The following CDYL2 variants were observed in gnomAD, a reference collection of about 807,000 sequenced individuals.
CDYL2 encodes the protein chromodomain Y-like protein 2.
CDYL2 carries 23 observed loss-of-function variants against 49.4 expected under a neutral mutation model. That is an observed-to-expected ratio of 0.47 (90% CI 0.34 to 0.66). The LOEUF (loss-of-function observed/expected upper bound fraction) is 0.66, where lower values mean the gene tolerates loss of function less well. CDYL2 is among the 30% of genes least tolerant of loss of function. The pLI, the probability that CDYL2 is intolerant of heterozygous loss-of-function variation, is 0.01. For missense variants in CDYL2, 678 were observed against 656.4 expected, an observed-to-expected ratio of 1.03 and a Z score of -0.36; for synonymous variants, 360 against 268.8, an observed-to-expected ratio of 1.34 and a Z score of -3.32.
intron 1 of CDYL2, among the ~76,000 whole-genome samples, chr16:80,743,583 AG>A (rs1346995063): frequency 6.6e-6 from 1 of 152,208 alleles, no homozygotes; most frequent in Non-Finnish European, 1.5e-5. Flanking sequence ...GATTGGCATT[AG>A]CCCCCAGAAA....
At chr16:80,767,541 A>T (rs1906767668) in intron 1 of CDYL2, among the ~76,000 whole-genome samples, 1 of 152,246 alleles carries the variant, frequency 6.6e-6, no homozygotes, top group Non-Finnish European at 1.5e-5. Context: ...TCAGGTGGTC[A>T]TAAAATATGA....
intron 1 of CDYL2, among the ~76,000 whole-genome samples, chr16:80,787,612 T>C (rs950359840): frequency 2.0e-5 from 3 of 151,146 alleles, no homozygotes; most frequent in African/African-American, 7.3e-5. Context: ...CTCTCTCTCC[T>C]CTCTCTCCTC....
chr16:80,749,675 A>T (rs1428435020), intron 1 of CDYL2, among the ~76,000 whole-genome samples: 1 of 152,192 alleles, frequency 6.6e-6, no homozygotes, highest in African/African-American at 2.4e-5. Flanking sequence ...CCAAAACTTA[A>T]GAATTCAGCT....
Position 80,720,418 on chromosome 16 carries a change from C to A in CDYL2, c.25-35289G>T, listed in dbSNP as rs371195087. Among the ~76,000 whole-genome samples, 21 of 152,308 alleles carry A rather than the reference C, an allele frequency of 1.4e-4. No individual in the cohort carries two copies. In the East Asian group the frequency reaches 2.5e-3, roughly 18 times the overall value. On this transcript the variant is annotated intron_variant, in intron 1 of 6. Transcript: ENST00000570137. ...TGTAGTATCCAATGACCAGGTAGAG[C>A]AAAAACAACCTATTCTCACAAATGC...
At position 80,716,468 on chromosome 16, in the gene CDYL2, G is replaced by A. The variant is rs371582751; in HGVS notation, c.25-31339C>T. ...TGGATGCATGGATGGATGAATGGACGGATAGCTGGATGAACAATGGGTGGG... is the reference window on the plus strand; with the variant it reads ...TGGATGCATGGATGGATGAATGGACAGATAGCTGGATGAACAATGGGTGGG... On this transcript the variant is annotated intron_variant, in intron 1 of 6. Coordinates refer to ENST00000570137, the MANE Select transcript of CDYL2 (RefSeq NM_152342.4). 6.6e-5 allele frequency among the ~76,000 whole-genome samples: 10 copies of A among 152,000 alleles called. 1 individual carries two copies. Among genetic ancestry groups the A allele is most frequent in the East Asian group, 1.9e-4 (1 of 5,136 alleles).
intron 3 of CDYL2, among the ~76,000 whole-genome samples, chr16:80,626,275 TAAAAAAA>T (rs11358031): frequency 3.0e-4 from 28 of 92,298 alleles, no homozygotes; most frequent in African/African-American, 5.6e-4. Context: ...AAATCCCATC[TAAAAAAA>T]AAAAAAAAAA....
chr16:80,665,713 C>G (rs1468590848), intron 2 of CDYL2, among the ~76,000 whole-genome samples: 3 of 151,864 alleles, frequency 2.0e-5, no homozygotes, highest in Non-Finnish European at 4.4e-5. Context: ...TCCAGAGGTC[C>G]ACAGTGGAAC....
intron 1 of CDYL2, among the ~76,000 whole-genome samples, chr16:80,719,519 T>C (rs1597097407): frequency 6.6e-6 from 1 of 152,326 alleles, no homozygotes; most frequent in East Asian, 1.9e-4. Context: ...TCGTCATTTG[T>C]GTGCACTAAA....
At chr16:80,617,885 T>G (rs548452846) in intron 4 of CDYL2, among the ~76,000 whole-genome samples, 1 of 152,310 alleles carries the variant, frequency 6.6e-6, no homozygotes, top group African/African-American at 2.4e-5. Flanking sequence ...TTCTCAACCC[T>G]GGCTGCACCT....
intron 1 of CDYL2, among the ~76,000 whole-genome samples, chr16:80,695,763 T>G (rs1910592252): frequency 6.6e-6 from 1 of 152,164 alleles, no homozygotes; most frequent in Non-Finnish European, 1.5e-5. Context: ...AAGCAAATAT[T>G]ATTAGATCTA....
At chr16:80,730,662 T>A (rs972046251) in intron 1 of CDYL2, among the ~76,000 whole-genome samples, 1 of 152,172 alleles carries the variant, frequency 6.6e-6, no homozygotes, top group Non-Finnish European at 1.5e-5. Flanking sequence ...AAAAGAATTT[T>A]AGACCAATAC....
At chr16:80,768,473 GA>G in intron 1 of CDYL2, among the ~76,000 whole-genome samples, 1 of 152,332 alleles carries the variant, frequency 6.6e-6, no homozygotes, top group Admixed American at 6.5e-5. Flanking sequence ...TAGAGGCTGG[GA>G]AGTCCAAGAT....
intron 1 of CDYL2, among the ~76,000 whole-genome samples, chr16:80,692,895 T>G (rs185162598): frequency 6.6e-6 from 1 of 152,202 alleles, no homozygotes; most frequent in Non-Finnish European, 1.5e-5. Flanking sequence ...CAGAGCATTT[T>G]TTCTCATAAC....
chr16:80,689,334 T>C (rs1910321540), intron 1 of CDYL2, among the ~76,000 whole-genome samples: 1 of 152,226 alleles, frequency 6.6e-6, no homozygotes, highest in African/African-American at 2.4e-5. Flanking sequence ...TTAATACTGA[T>C]GACAATCATC....
chr16:80,761,369 G>A lies in CDYL2; in HGVS notation c.24+42781C>T, dbSNP rs532164112. Among the ~76,000 whole-genome samples, 4 of 152,262 alleles carry A rather than the reference G, an allele frequency of 2.6e-5. No homozygotes were observed. In the East Asian group the frequency reaches 5.8e-4, roughly 22 times the overall value. Reference sequence around the variant, plus strand: ...CCTCATCTGTGAATTTGGGTTCATCGAAGTATGCGTTTTCATCAAACGGTT... The same window carrying A: ...CCTCATCTGTGAATTTGGGTTCATCAAAGTATGCGTTTTCATCAAACGGTT... On this transcript the variant is annotated intron_variant, in intron 1 of 6. Coordinates refer to ENST00000570137, the MANE Select transcript of CDYL2 (RefSeq NM_152342.4).
chr16:80,758,250 C>G (rs1906382206), intron 1 of CDYL2, among the ~76,000 whole-genome samples: 1 of 152,054 alleles, frequency 6.6e-6, no homozygotes, highest in Non-Finnish European at 1.5e-5. Context: ...CATTTTACCC[C>G]TATCTTTACA....
At chr16:80,790,315 T>C (rs1015009549) in intron 1 of CDYL2, among the ~76,000 whole-genome samples, 2 of 152,104 alleles carry the variant, frequency 1.3e-5, no homozygotes, top group East Asian at 3.9e-4. Context: ...ATACCTAAGA[T>C]AGCAAAGACT....
intron 2 of CDYL2, among the ~76,000 whole-genome samples, chr16:80,655,436 C>G (rs1908764014): frequency 1.3e-5 from 2 of 152,116 alleles, no homozygotes; most frequent in African/African-American, 4.8e-5. Context: ...GAAAAGCTAA[C>G]AAGTAACTAA....
At chr16:80,643,985 G>A (rs1439656333) in intron 2 of CDYL2, among the ~76,000 whole-genome samples, 1 of 152,138 alleles carries the variant, frequency 6.6e-6, no homozygotes, top group Admixed American at 6.5e-5. Context: ...AAAAAAATGG[G>A]TTTTCTTGTC....
Sources: allele counts gnomAD v4.1 joint callset (sites outside exome capture counted in the v4.1 genomes callset), GRCh38; gene constraint gnomAD v4.1.1; transcripts MANE v1.5; gene names NCBI Gene and HGNC (gene_info 2026-07-23, HGNC 2026-07-21).